The following CALD1 variants were observed in gnomAD, a reference collection of about 807,000 sequenced individuals.
CALD1 encodes caldesmon 1.
A neutral mutation model predicts 99.9 loss-of-function variants in CALD1; 33 were observed. The ratio of observed to expected loss-of-function variants is 0.33; its 90% CI spans 0.25 to 0.44. CALD1 has a LOEUF of 0.44. Among genes scored for constraint, CALD1 ranks in the 20% least tolerant of loss-of-function variants. The probability of loss-of-function intolerance (pLI) is 1.00; values close to 1 mark genes in which losing one functional copy is unlikely to be tolerated. For synonymous variants in CALD1, 310 were observed against 325.0 expected (o/e 0.95, Z 0.50); for missense variants, 861 against 962.1 (o/e 0.89, Z 1.39).
chr7:134,867,361 G>A (rs1416070804), intron 2 of CALD1, among the ~76,000 whole-genome samples: 1 of 151,902 alleles, frequency 6.6e-6, no homozygotes, highest in Admixed American at 6.6e-5. Context: ...CTTTGGTCTG[G>A]GGTTCAGAAA....
intron 3 of CALD1, among the ~76,000 whole-genome samples, chr7:134,887,616 ATATG>A (rs1376444589): frequency 1.3e-5 from 2 of 149,906 alleles, no homozygotes; most frequent in African/African-American, 5.0e-5. Flanking sequence ...GCATGCGTGT[ATATG>A]TGTGTGCCTG....
chr7:134,717,006 GTCTA>G, the CALD1 span, among the ~76,000 whole-genome samples: 9 of 152,048 alleles, frequency 5.9e-5, no homozygotes, highest in African/African-American at 1.7e-4. Context: ...CTTAGACTCT[GTCTA>G]TCTATCTATC....
chr7:134,766,002 A>G (rs1389560700), intron 1 of CALD1, among the ~76,000 whole-genome samples: 2 of 151,686 alleles, frequency 1.3e-5, no homozygotes, highest in Non-Finnish European at 2.9e-5. Flanking sequence ...TGTTTTCACC[A>G]TGTGAAGCAC....
chr7:134,850,216 C>G (rs1248581065), intron 2 of CALD1, among the ~76,000 whole-genome samples: 1 of 152,228 alleles, frequency 6.6e-6, no homozygotes, highest in Non-Finnish European at 1.5e-5. Context: ...CTCCTGCTGA[C>G]AGGAAACAGC....
At chr7:134,822,685 T>C (rs1798828582) in intron 1 of CALD1, among the ~76,000 whole-genome samples, 1 of 152,208 alleles carries the variant, frequency 6.6e-6, no homozygotes, top group Non-Finnish European at 1.5e-5. Flanking sequence ...ATTTTAAATT[T>C]CTAAAACCTC....
intron 1 of CALD1, among the ~76,000 whole-genome samples, chr7:134,768,076 G>A (rs1017024221): frequency 3.3e-5 from 5 of 152,180 alleles, no homozygotes; most frequent in African/African-American, 9.6e-5. Context: ...GTGGAACATG[G>A]AGACATCCAG....
At chr7:134,784,797 C>T (rs891288817) in intron 1 of CALD1, among the ~76,000 whole-genome samples, 2 of 152,252 alleles carry the variant, frequency 1.3e-5, no homozygotes, top group East Asian at 1.9e-4. Flanking sequence ...GGATCCCAGC[C>T]GCGGTCCATG....
intron 6 of CALD1, among the ~76,000 whole-genome samples, chr7:134,939,842 T>C (rs376262569): frequency 5.9e-5 from 9 of 152,172 alleles, no homozygotes; most frequent in African/African-American, 2.2e-4. Flanking sequence ...TGCATGCCTG[T>C]AATCCCAGCT....
At chr7:134,884,737 A>T (rs147193080) in intron 3 of CALD1, among the ~76,000 whole-genome samples, 170 of 152,274 alleles carry the variant, frequency 1.1e-3, no homozygotes, top group African/African-American at 3.9e-3. Flanking sequence ...ACTCCAGAGA[A>T]AAAATGACAA....
chr7:134,841,265 AT>A (rs1799636520), intron 1 of CALD1, among the ~76,000 whole-genome samples: 1 of 152,160 alleles, frequency 6.6e-6, no homozygotes, highest in Admixed American at 6.6e-5. Context: ...AAGATCATAT[AT>A]TTCTTTTCTT....
chr7:134,900,765 T>C (rs970137784), intron 3 of CALD1, among the ~76,000 whole-genome samples: 7 of 152,068 alleles, frequency 4.6e-5, no homozygotes, highest in Non-Finnish European at 7.3e-5. Flanking sequence ...GCAAAGTATA[T>C]AAACCACAGT....
chr7:134,711,660 C>CTCTATATATA, the CALD1 span, among the ~76,000 whole-genome samples: 60 of 78,308 alleles, frequency 7.7e-4, no homozygotes, highest in African/African-American at 2.9e-3. Flanking sequence ...CTCTCTCTCT[C>CTCTATATATA]TATATATATA....
chr7:134,722,246 C>A, the CALD1 span, among the ~76,000 whole-genome samples: 5 of 152,132 alleles, frequency 3.3e-5, no homozygotes, highest in Admixed American at 3.3e-4. Context: ...TCCTTTCCTC[C>A]GGCCAAGTTT....
intron 1 of CALD1, among the ~76,000 whole-genome samples, chr7:134,791,661 GAAAAACAAAAAACA>G (rs1304861845): frequency 1.4e-5 from 2 of 140,502 alleles, no homozygotes; most frequent in Non-Finnish European, 3.1e-5. Context: ...CCAGGGAAAT[GAAAAACAAAAAACA>G]AAAAACAAAA....
At chr7:134,961,605 G>A (rs1808269196) in intron 13 of CALD1, 1 of 151,596 alleles carries the variant, frequency 6.6e-6, no homozygotes, top group African/African-American at 2.4e-5. Context: ...ATCCTTCTTG[G>A]GCACAACTCC....
intron 1 of CALD1, among the ~76,000 whole-genome samples, chr7:134,822,276 T>TTATTTATCTTC (rs1161939033): frequency 2.8e-4 from 43 of 152,260 alleles, no homozygotes; most frequent in African/African-American, 1.0e-3. Flanking sequence ...TGGCTATCTT[T>TTATTTATCTTC]TATTTGGGCC....
chr7:134,879,306 A>G (rs902118626), intron 3 of CALD1, among the ~76,000 whole-genome samples: 1 of 152,240 alleles, frequency 6.6e-6, no homozygotes, highest in Non-Finnish European at 1.5e-5. Flanking sequence ...TTAAAGAGGA[A>G]TCATGTGCAT....
chr7:134,858,388 G>A (rs1288440956), intron 2 of CALD1, among the ~76,000 whole-genome samples: 1 of 152,046 alleles, frequency 6.6e-6, no homozygotes, highest in Admixed American at 6.5e-5. Context: ...GAGTACCAAT[G>A]AGGGAATTAT....
intron 3 of CALD1, among the ~76,000 whole-genome samples, chr7:134,917,409 C>T (rs370191171): frequency 9.9e-5 from 15 of 152,062 alleles, no homozygotes; most frequent in Admixed American, 3.9e-4. Context: ...AGTGCAATGG[C>T]GTGGTCTCAG....
Sources: allele counts gnomAD v4.1 joint callset (sites outside exome capture counted in the v4.1 genomes callset), GRCh38; gene constraint gnomAD v4.1.1; transcripts MANE v1.5; gene names NCBI Gene and HGNC (gene_info 2026-07-23, HGNC 2026-07-21).